Variants in SVEP1 observed in about 807,000 individuals in gnomAD.
SVEP1 encodes sushi, von Willebrand factor type A, EGF and pentraxin domain-containing protein 1.
SVEP1 carries 164 observed loss-of-function variants against 367.3 expected under a neutral mutation model. The ratio of observed to expected loss-of-function variants is 0.45; its 90% confidence interval spans 0.39 to 0.51. The LOEUF (loss-of-function observed/expected upper bound fraction) is 0.51. SVEP1 is among the 20% of genes least tolerant of loss of function. The pLI is 0.00. For missense variants in SVEP1, 4,117 were observed against 4,425.3 expected (o/e 0.93, Z 1.98); for synonymous variants, 1,666 against 1,611.6 (o/e 1.03, Z -0.81).
chr9:110,391,858 C>T lies in SVEP1; in HGVS notation c.9823-2271G>A, dbSNP rs530111652. Among the ~76,000 whole-genome samples, 139 of 151,940 alleles carry T rather than the reference C, an allele frequency of 9.1e-4. 2 individuals carry two copies. Among genetic ancestry groups the T allele is most frequent in the African/African-American group, 8.5e-4 (35 of 41,336 alleles). ...TAGATCATGTAAAGTAGATTGCCCT[C>T]GCCAATGTGGAGGGTGGGGGGCATC... On this transcript the variant is annotated intron_variant, in intron 40 of 47. Transcript: ENST00000374469.
intron 39 of SVEP1, 112 bp downstream of exon 39, chr9:110,404,215 A>C (rs1827916754): frequency 2.0e-6 from 2 of 1,010,044 alleles, no homozygotes; most frequent in Admixed American, 4.7e-5. Flanking sequence ...CTTTGAAATG[A>C]GTGAAAACTT....
At chr9:110,489,953 T>C (rs1829342263) in intron 8 of SVEP1, among the ~76,000 whole-genome samples, 174 bp from the exon 9 acceptor site, 2 of 152,240 alleles carry the variant, frequency 1.3e-5, no homozygotes, top group Admixed American at 1.3e-4. Context: ...ACATGATTTA[T>C]AGAATTGGCA....
At chr9:110,469,878 A>T (rs539157663) in intron 16 of SVEP1, among the ~76,000 whole-genome samples, 14 of 152,296 alleles carry the variant, frequency 9.2e-5, no homozygotes, top group African/African-American at 3.4e-4. Flanking sequence ...CCTAATTTTT[A>T]CTCACAAGGT....
chr9:110,470,943 G>T (rs566901044), intron 16 of SVEP1, among the ~76,000 whole-genome samples: 1 of 151,908 alleles, frequency 6.6e-6, no homozygotes, highest in Non-Finnish European at 1.5e-5. Context: ...TGTCTTAATG[G>T]GTAAGTCTTA....
At chr9:110,467,586 C>T (rs1057269416) in intron 17 of SVEP1, among the ~76,000 whole-genome samples, 8 of 150,916 alleles carry the variant, frequency 5.3e-5, no homozygotes, top group South Asian at 2.1e-4. Context: ...ATAGAGTTCT[C>T]GTGATACCTC....
rs770437089 is a variant in SVEP1, at chr9:110,407,068, C to A, written c.8532G>T (p.Val2844=). 2.5e-6 allele frequency: 4 copies of A among 1,614,002 alleles called. No individual in the cohort carries two copies. Among genetic ancestry groups the A allele is most frequent in the Non-Finnish European group, 3.4e-6 (4 of 1,179,896 alleles). ...TTTGGAATGTGTACTCGTCTCCTCT[C>A]ACCTGGCCATTGGCTGAGACTGGGG... ...SSPPVSANGQ[V]RGDEYTFQKE... is the part of the protein sequence containing the mutation. The change falls in exon 38 of 48, where the codon GTG becomes GTT. Residue 2844 remains valine (V), a synonymous_variant. Transcript: ENST00000374469.
At chr9:110,476,462 A>C (rs1588071935) in intron 13 of SVEP1, 147 bp from the exon 14 acceptor site, 3 of 629,816 alleles carry the variant, frequency 4.8e-6, no homozygotes, top group Middle Eastern at 2.5e-4. Flanking sequence ...AGGGATTCTG[A>C]CCCTCCTCCC....
chr9:110,425,791 T>C (rs78144535), intron 36 of SVEP1, among the ~76,000 whole-genome samples: 1 of 152,338 alleles, frequency 6.6e-6, no homozygotes, highest in East Asian at 1.9e-4. Flanking sequence ...TCTGTACATG[T>C]AGCATCATCT....
chr9:110,538,051 GTA>G (rs1438913555), intron 3 of SVEP1, among the ~76,000 whole-genome samples: 5 of 151,948 alleles, frequency 3.3e-5, no homozygotes, highest in African/African-American at 4.8e-5. Context: ...CTTGGCAACT[GTA>G]TATATTTTTT....
At chr9:110,415,593 C>G (rs972833793) in intron 36 of SVEP1, among the ~76,000 whole-genome samples, 3 of 151,988 alleles carry the variant, frequency 2.0e-5, no homozygotes, top group Non-Finnish European at 4.4e-5. Flanking sequence ...TGGAACAAGA[C>G]ACAGGGCATG....
chr9:110,439,545 C>T (rs994932182), intron 27 of SVEP1, among the ~76,000 whole-genome samples: 1 of 151,744 alleles, frequency 6.6e-6, no homozygotes, highest in African/African-American at 2.4e-5. Context: ...AGGCACCTGC[C>T]ACCACGCCCG....
Position 110,528,388 on chromosome 9 carries a change from T to C in SVEP1, c.965-14282A>G, listed in dbSNP as rs1486869866. On this transcript the variant is annotated intron_variant, in intron 3 of 47. Coordinates refer to ENST00000374469, the MANE Select transcript of SVEP1 (RefSeq NM_153366.4). Reference sequence around the variant, plus strand: ...AGCTTTTTGATAAATCTCCATACTGTTTTCCATAGAGGTTTTACTACTTTA... The same window carrying C: ...AGCTTTTTGATAAATCTCCATACTGCTTTCCATAGAGGTTTTACTACTTTA... 2.0e-5 allele frequency among the ~76,000 whole-genome samples: 3 copies of C among 151,590 alleles called. No individual in the cohort carries two copies. In the East Asian group the frequency reaches 5.8e-4, roughly 29 times the overall value.
At position 110,407,997 on chromosome 9, in the gene SVEP1, C is replaced by T. The variant is rs762740933; in HGVS notation, c.7603G>A (p.Ala2535Thr). 6 of 1,613,898 alleles carry T rather than the reference C, an allele frequency of 3.7e-6. No individual in the cohort carries two copies. Among genetic ancestry groups the T allele is most frequent in the Admixed American group, 3.3e-5 (2 of 60,008 alleles). ...NRGFRLEGPSALTCLETGDWD... is the reference protein window; with the variant it reads ...NRGFRLEGPSTLTCLETGDWD... ...TCACCTGTCTCTAAACAGGTCAAGG[C>T]ACTGGGACCTTCGAGCCGAAAGCCT... The change falls in exon 38 of 48, where the codon GCC becomes ACC. Residue 2535 changes from alanine to threonine, a missense_variant. Physicochemically the swap from Ala to Thr is moderately conservative, Grantham distance 58 (BLOSUM62 0). Around this residue, in one of 4 missense-constraint regions of SVEP1, gnomAD observed 1,765 missense variants for 1,781.1 expected, o/e 0.99. Coordinates refer to ENST00000374469, the MANE Select transcript of SVEP1 (RefSeq NM_153366.4).
intron 31 of SVEP1, 90 bp downstream of exon 31, chr9:110,432,372 G>T: frequency 6.8e-7 from 1 of 1,461,558 alleles, no homozygotes; most frequent in Non-Finnish European, 9.2e-7. Flanking sequence ...AGTTAACAAA[G>T]CAATGCCTCA....
chr9:110,406,127 C>T (rs1827950289), intron 38 of SVEP1, 33 bp downstream of exon 38: 2 of 1,517,938 alleles, frequency 1.3e-6, no homozygotes, highest in African/African-American at 1.4e-5. Context: ...ATCCTGCCCG[C>T]ACCCCTTGGA....
intron 1 of SVEP1, among the ~76,000 whole-genome samples, chr9:110,552,751 C>T (rs1005683201): frequency 6.6e-6 from 1 of 152,132 alleles, no homozygotes; most frequent in African/African-American, 2.4e-5. Flanking sequence ...GTTGTGTGGC[C>T]CAGTTCCTAA....
intron 3 of SVEP1, among the ~76,000 whole-genome samples, chr9:110,520,392 C>T (rs1217905598): frequency 1.3e-5 from 2 of 152,074 alleles, no homozygotes; most frequent in Non-Finnish European, 2.9e-5. Flanking sequence ...TTTTAATATG[C>T]GATGTTTCCT....
chr9:110,479,110 G>C (rs1460645473), intron 13 of SVEP1, among the ~76,000 whole-genome samples: 3 of 151,930 alleles, frequency 2.0e-5, no homozygotes, highest in Admixed American at 2.0e-4. Flanking sequence ...ACTAGAGACG[G>C]GGTTTCACCA....
At position 110,406,252 on chromosome 9, in the gene SVEP1, G is replaced by C. The variant is rs959076292; in HGVS notation, c.9348C>G (p.Val3116=). ...GGGACCCACAGGACAAGGGCTCACA[G>C]ACTGGATAAGGCTGGCTCCATACCC... is the stretch of plus-strand genomic sequence containing the variant. ...EKGVWSQPYP[V]CEPLSCGSPP... is the part of the protein sequence containing the mutation. The change falls in exon 38 of 48, where the codon GTC becomes GTG. Residue 3116 remains valine, a synonymous_variant. Coordinates refer to ENST00000374469, the MANE Select transcript of SVEP1 (RefSeq NM_153366.4). 1.7e-5 allele frequency: 28 copies of C among 1,613,842 alleles called. No individual in the cohort carries two copies. The highest frequency in any genetic ancestry group is 2.3e-5 in the Non-Finnish European group (27 of 1,179,868).
Sources: allele counts gnomAD v4.1 joint callset (sites outside exome capture counted in the v4.1 genomes callset), GRCh38; gene constraint gnomAD v4.1.1; regional missense constraint gnomAD v4.1.1; transcripts MANE v1.5; gene names NCBI Gene and HGNC (gene_info 2026-07-23, HGNC 2026-07-21).